Variants in LRBA observed in about 807,000 individuals in gnomAD.
The protein encoded by LRBA is LPS responsive beige-like anchor protein, also known as lipopolysaccharide-responsive and beige-like anchor protein.
LRBA carries 176 observed loss-of-function variants against 330.0 expected under a neutral mutation model. The observed-to-expected ratio is 0.53, with a 90% CI of 0.47 to 0.60. The LOEUF is 0.60. LRBA is among the 20% of genes least tolerant of loss of function. LRBA has a pLI of 0.00. For synonymous variants in LRBA, 1,230 were observed against 1,193.0 expected (o/e 1.03, Z -0.64); for missense variants, 3,259 against 3,444.8 (o/e 0.95, Z 1.35).
chr4:150,559,430 G>A (rs1338773785), intron 40 of LRBA, among the ~76,000 whole-genome samples: 1 of 149,182 alleles, frequency 6.7e-6, no homozygotes, highest in Non-Finnish European at 1.5e-5. Context: ...GTGTGGTGGT[G>A]CATGCTGGTA....
chr4:150,519,180 G>A (rs1030948800), intron 40 of LRBA, among the ~76,000 whole-genome samples: 1 of 151,962 alleles, frequency 6.6e-6, no homozygotes, highest in African/African-American at 2.4e-5. Flanking sequence ...AAAACCTTTA[G>A]AAGTTTAAAT....
intron 27 of LRBA, 137 bp from the exon 28 acceptor site, chr4:150,844,344 G>A: frequency 1.9e-6 from 1 of 529,626 alleles, no homozygotes; most frequent in South Asian, 4.2e-5. Flanking sequence ...TTTTTTGTGT[G>A]TATGCTTCCT....
chr4:150,510,934 C>A (rs942331291), intron 40 of LRBA, among the ~76,000 whole-genome samples: 4 of 152,168 alleles, frequency 2.6e-5, no homozygotes, highest in African/African-American at 7.2e-5. Context: ...TGGCTCACTG[C>A]AACCTCCGCC....
chr4:150,811,250 G>T (rs1434720282), intron 31 of LRBA, among the ~76,000 whole-genome samples: 3 of 152,130 alleles, frequency 2.0e-5, no homozygotes, highest in Non-Finnish European at 4.4e-5. Context: ...ATTGGTGATA[G>T]TTTTTGAAGA....
At chr4:150,647,847 T>C (rs1056176084) in intron 37 of LRBA, among the ~76,000 whole-genome samples, 1 of 151,906 alleles carries the variant, frequency 6.6e-6, no homozygotes, top group Non-Finnish European at 1.5e-5. Context: ...TCTATTATTG[T>C]GGTTTATCAT....
At chr4:150,314,635 T>C (rs1408769574) in intron 51 of LRBA, 1 of 152,114 alleles carries the variant, frequency 6.6e-6, no homozygotes, top group African/African-American at 2.4e-5. Flanking sequence ...CTGACAAAAT[T>C]ACAAGCCAAA....
At chr4:150,617,543 G>A (rs953986914) in intron 37 of LRBA, among the ~76,000 whole-genome samples, 13 of 152,242 alleles carry the variant, frequency 8.5e-5, no homozygotes, top group African/African-American at 2.6e-4. Context: ...TCCAGAGGCT[G>A]AGGCAGGAGA....
intron 34 of LRBA, among the ~76,000 whole-genome samples, chr4:150,793,149 C>A (rs1412941298): frequency 2.0e-5 from 3 of 150,774 alleles, no homozygotes; most frequent in African/African-American, 2.4e-5. Context: ...ACAAAAAAAT[C>A]AAAAAATTAG....
intron 42 of LRBA, among the ~76,000 whole-genome samples, chr4:150,472,538 C>T (rs907987639): frequency 1.1e-4 from 16 of 152,058 alleles, no homozygotes; most frequent in Non-Finnish European, 4.4e-5. Context: ...TATCACAATT[C>T]ACTTTAGAAC....
intron 22 of LRBA, among the ~76,000 whole-genome samples, chr4:150,865,514 T>C (rs1449189658): frequency 6.6e-6 from 1 of 152,158 alleles, no homozygotes; most frequent in African/African-American, 2.4e-5. Flanking sequence ...AACAATACAG[T>C]GACTAAAACA....
intron 16 of LRBA, 106 bp from the exon 17 acceptor site, chr4:150,893,255 C>T (rs534143915): frequency 1.6e-6 from 1 of 634,918 alleles, no homozygotes; most frequent in East Asian, 2.8e-5. Context: ...TATAAGTAGA[C>T]ATATGTGTGA....
chr4:150,913,102 A>G (rs1382017114), intron 9 of LRBA, among the ~76,000 whole-genome samples: 2 of 152,190 alleles, frequency 1.3e-5, no homozygotes, highest in Non-Finnish European at 2.9e-5. Flanking sequence ...GTATAATTTC[A>G]ATCTTAACTT....
intron 28 of LRBA, among the ~76,000 whole-genome samples, chr4:150,834,784 G>A (rs889789935): frequency 6.6e-6 from 1 of 152,182 alleles, no homozygotes; most frequent in Non-Finnish European, 1.5e-5. Context: ...CTTCCTGGTA[G>A]CTAGGAACAT....
chr4:150,811,323 C>T (rs1441502065), intron 31 of LRBA, among the ~76,000 whole-genome samples: 6 of 151,832 alleles, frequency 4.0e-5, no homozygotes, highest in African/African-American at 1.2e-4. Context: ...TTTTCTTGAG[C>T]TTTTCTGAAG....
intron 37 of LRBA, among the ~76,000 whole-genome samples, chr4:150,633,691 C>A (rs1340005611): frequency 2.0e-5 from 3 of 152,196 alleles, no homozygotes; most frequent in Non-Finnish European, 4.4e-5. Flanking sequence ...TAGAAAAGCA[C>A]CCAATATGGC....
At chr4:150,316,724 T>C (rs530281837) in intron 50 of LRBA, among the ~76,000 whole-genome samples, 6 of 152,320 alleles carry the variant, frequency 3.9e-5, no homozygotes, top group Middle Eastern at 3.4e-3. Context: ...ACCCTGGCTC[T>C]TGACACTGTG....
At chr4:150,524,692 T>G (rs1246307467) in intron 40 of LRBA, among the ~76,000 whole-genome samples, 2 of 152,182 alleles carry the variant, frequency 1.3e-5, no homozygotes, top group Non-Finnish European at 2.9e-5. Context: ...ATTTAAGCTT[T>G]AAACTCAGGC....
At chr4:150,525,117 A>C (rs1464941597) in intron 40 of LRBA, among the ~76,000 whole-genome samples, 2 of 152,176 alleles carry the variant, frequency 1.3e-5, no homozygotes, top group African/African-American at 4.8e-5. Flanking sequence ...TACTGAAAAC[A>C]GACTTACAGA....
In LRBA at chr4:150,849,545, C is replaced by T. The variant is rs778429035; in HGVS notation, c.4035G>A (p.Val1345=). 2 of 1,613,150 alleles carry T rather than the reference C, an allele frequency of 1.2e-6. No individual in the cohort carries two copies. Among genetic ancestry groups the T allele is most frequent in the Non-Finnish European group, 1.7e-6 (2 of 1,179,188 alleles). ...SHSTKTVMDF[V]NSSDNVIFVH... ...CAAAGATGACATTATCACTGCTATTCACGAAGTCCATAACTGTCTTTGTTG... is the reference window on the plus strand; with the variant it reads ...CAAAGATGACATTATCACTGCTATTTACGAAGTCCATAACTGTCTTTGTTG... Residue 1345 remains valine (V), a synonymous_variant, in exon 25 of 57, where the codon GTG becomes GTA. Transcript: ENST00000651943.
Sources: allele counts gnomAD v4.1 joint callset (sites outside exome capture counted in the v4.1 genomes callset), GRCh38; gene constraint gnomAD v4.1.1; transcripts MANE v1.5; gene names NCBI Gene and HGNC (gene_info 2026-07-23, HGNC 2026-07-21).